UEVLD: variants seen among roughly 807,000 people sequenced by gnomAD.
UEVLD encodes UEV and lactate/malate dehyrogenase domains.
UEVLD carries 47 observed loss-of-function variants against 58.6 expected under a neutral mutation model. The observed-to-expected ratio is 0.80, with a 90% CI of 0.63 to 1.02. UEVLD has a LOEUF of 1.02. Ranked by LOEUF, UEVLD falls within the 50% of genes least tolerant of loss-of-function variation. The pLI is 0.00. For synonymous variants in UEVLD, 197 were observed against 195.3 expected (o/e 1.01, Z -0.07); for missense variants, 510 against 550.6 (o/e 0.93, Z 0.74).
rs549096693 is a variant in UEVLD, at chr11:18,536,066, G to A, written c.1124+340C>T. 5.3e-5 allele frequency among the ~76,000 whole-genome samples: 8 copies of A among 152,260 alleles called. No homozygotes were observed. The East Asian group carries it at 7.7e-4, about 15-fold the overall frequency. On this transcript the variant is annotated intron_variant, in intron 10 of 11. Coordinates refer to ENST00000396197, the MANE Select transcript of UEVLD (RefSeq NM_001040697.4). ...GGGGAATCGCTTGAACCCGGGAGGC[G>A]GAGGCTGCAGTGAGCCGAGATCGCG...
At chr11:18,556,082 A>C (rs988060415) in intron 7 of UEVLD, among the ~76,000 whole-genome samples, 1 of 152,232 alleles carries the variant, frequency 6.6e-6, no homozygotes, top group African/African-American at 2.4e-5. Context: ...CATGCACTAC[A>C]CATCTATTCC....
chr11:18,577,033 A>C (rs185773499), intron 2 of UEVLD, among the ~76,000 whole-genome samples: 10 of 152,234 alleles, frequency 6.6e-5, no homozygotes, highest in African/African-American at 2.4e-4. Context: ...AAATACAAAA[A>C]TTAGCAGGGC....
chr11:18,578,496 G>T (rs1853054227), intron 2 of UEVLD, among the ~76,000 whole-genome samples: 1 of 152,182 alleles, frequency 6.6e-6, no homozygotes, highest in Non-Finnish European at 1.5e-5. Flanking sequence ...GTAAACGTGT[G>T]TTTTTTAAAG....
At chr11:18,542,890 CTTTT>C (rs890676886) in intron 9 of UEVLD, among the ~76,000 whole-genome samples, 4 of 125,902 alleles carry the variant, frequency 3.2e-5, no homozygotes, top group Non-Finnish European at 4.8e-5. Flanking sequence ...CTTTTCTTTT[CTTTT>C]TTTTTTTTTT....
chr11:18,544,927 T>TAC (rs958913773), intron 8 of UEVLD, 131 bp from the exon 9 acceptor site: 10 of 515,254 alleles, frequency 1.9e-5, no homozygotes, highest in East Asian at 3.9e-5. Flanking sequence ...TGTATATATA[T>TAC]ACACACACAC....
intron 10 of UEVLD, among the ~76,000 whole-genome samples, chr11:18,534,814 T>C (rs947380614): frequency 2.0e-5 from 3 of 152,226 alleles, no homozygotes; most frequent in Non-Finnish European, 4.4e-5. Context: ...ATAACTGCTA[T>C]TGAGAATGTA....
intron 9 of UEVLD, among the ~76,000 whole-genome samples, chr11:18,539,807 A>C (rs1223465082): frequency 6.6e-6 from 1 of 152,206 alleles, no homozygotes; most frequent in Non-Finnish European, 1.5e-5. Flanking sequence ...ACTAGCATAG[A>C]ATGCCTGGGA....
At position 18,588,681 on chromosome 11, in the gene UEVLD, C is replaced by T; in HGVS notation, c.-27G>A. ...TCCAGGCCGGTCCCGAGCTAGGTCC[C>T]AGGACTCCAGCCCCCGGACCTTCTT... On this transcript the variant is annotated 5_prime_UTR_variant, in exon 1 of 12. Transcript: ENST00000396197. 6.2e-7 allele frequency: 1 copy of T among 1,605,350 alleles called. No individual in the cohort carries two copies. Among genetic ancestry groups the T allele is most frequent in the South Asian group, 1.1e-5 (1 of 90,810 alleles).
intron 9 of UEVLD, among the ~76,000 whole-genome samples, chr11:18,537,158 C>G (rs1248278456): frequency 4.0e-5 from 6 of 151,652 alleles, no homozygotes; most frequent in Non-Finnish European, 7.4e-5. Flanking sequence ...TTCGGCCTCC[C>G]AAAGTGCTAG....
In UEVLD at chr11:18,577,179, G is replaced by A. The variant is rs78309248; in HGVS notation, c.127+1545C>T. 7.7e-3 allele frequency among the ~76,000 whole-genome samples: 1,176 copies of A among 152,030 alleles called. 13 individuals carry two copies. The highest frequency in any genetic ancestry group is 0.02 in the Middle Eastern group (6 of 294). Reference sequence around the variant, plus strand: ...GCCTGGGCAAACAGACAGTGACTACGTCTCAACAAACCAACCAACCAACCA... The same window carrying A: ...GCCTGGGCAAACAGACAGTGACTACATCTCAACAAACCAACCAACCAACCA... On this transcript the variant is annotated intron_variant, in intron 2 of 11. Coordinates refer to ENST00000396197, the MANE Select transcript of UEVLD (RefSeq NM_001040697.4).
At chr11:18,569,141 G>A (rs1252280449) in intron 4 of UEVLD, among the ~76,000 whole-genome samples, 3 of 152,080 alleles carry the variant, frequency 2.0e-5, no homozygotes, top group East Asian at 3.9e-4. Context: ...TGATCCACCC[G>A]CCTCGGCCTA....
intron 6 of UEVLD, among the ~76,000 whole-genome samples, chr11:18,561,535 T>A (rs1413974673): frequency 7.1e-6 from 1 of 141,288 alleles, no homozygotes; most frequent in Non-Finnish European, 1.5e-5. Flanking sequence ...AGGCAGAGGT[T>A]GTGGTGAGTC....
chr11:18,535,670 G>A (rs1177618688), intron 10 of UEVLD, among the ~76,000 whole-genome samples: 4 of 152,012 alleles, frequency 2.6e-5, no homozygotes, highest in African/African-American at 9.7e-5. Context: ...ACAGACCCCT[G>A]GAAGGCCTCT....
intron 6 of UEVLD, among the ~76,000 whole-genome samples, chr11:18,563,103 C>CA (rs111514140): frequency 0.081 from 9,689 of 119,778 alleles, 426 homozygotes; most frequent in East Asian, 0.19. Context: ...TTGTGCTTAC[C>CA]AAAAAAAAAA....
rs748709754 is a variant in UEVLD, at chr11:18,558,289, C to A, written c.654G>T (p.Gly218=). ...DRLVLLDLSE[G]TKGATMDLEI... ...CAAGGTCCATCGTGGCTCCTTTAGT[C>A]CCTTCTGAGAGGTCTAAGAGGACAA... Residue 218 remains glycine (G), a synonymous_variant, in exon 7 of 12, where the codon GGG becomes GGT. Transcript: ENST00000396197. 2 of 1,613,422 alleles carry A rather than the reference C, an allele frequency of 1.2e-6. No individual in the cohort carries two copies. The highest frequency in any genetic ancestry group is 2.2e-5 in the South Asian group (2 of 90,842).
At chr11:18,565,365 T>C (rs1027967868) in intron 5 of UEVLD, among the ~76,000 whole-genome samples, 7 of 152,202 alleles carry the variant, frequency 4.6e-5, no homozygotes, top group South Asian at 2.1e-4. Flanking sequence ...GTTTCAAACA[T>C]AGGTATTTGC....
chr11:18,566,855 G>A (rs538301862), intron 4 of UEVLD, among the ~76,000 whole-genome samples: 1 of 152,268 alleles, frequency 6.6e-6, no homozygotes. Context: ...TTTCCCAAAA[G>A]TAGAAAAATA....
Position 18,566,583 on chromosome 11 carries a change from T to C in UEVLD, c.358-101A>G, listed in dbSNP as rs1053322500. On this transcript the variant is annotated intron_variant, in intron 4 of 11. Coordinates refer to ENST00000396197, the MANE Select transcript of UEVLD (RefSeq NM_001040697.4). ...ATTACTTGAGCCCAGGAGTTTCAGA[T>C]GCAGTGAGTTATGGTTGCACCACTA... is the stretch of plus-strand genomic sequence containing the variant. 4 of 1,268,372 alleles carry C rather than the reference T, an allele frequency of 3.2e-6. No individual in the cohort carries two copies. In the African/African-American group the frequency reaches 4.5e-5, roughly 14 times the overall value. The allele number at this position is 1,268,372 out of a possible 1,614,324, so 78.6% of individuals were successfully genotyped here.
chr11:18,570,084 C>T, intron 4 of UEVLD, 130 bp downstream of exon 4: 1 of 1,050,376 alleles, frequency 9.5e-7, no homozygotes, highest in Non-Finnish European at 1.3e-6. Flanking sequence ...TTTCAAATTA[C>T]TTCCAAAGAC....
Sources: gnomAD v4.1 joint callset for allele counts (sites outside exome capture counted in the v4.1 genomes callset) on GRCh38, gnomAD v4.1.1 for gene constraint, MANE v1.5 for transcripts, NCBI Gene and HGNC (gene_info 2026-07-23, HGNC 2026-07-21) for gene names.